Variants in MTPN observed in about 807,000 individuals in gnomAD.
MTPN encodes granule cell differentiation protein.
Under a neutral mutation model 13.5 loss-of-function variants are expected in MTPN, and 2 were observed. The observed-to-expected ratio is 0.15, with a 90% confidence interval of 0.06 to 0.47. The LOEUF is 0.47. Ranked by LOEUF, MTPN falls within the 20% of genes least tolerant of loss-of-function variation. MTPN has a pLI of 0.97. For synonymous variants in MTPN, 46 were observed against 51.7 expected, an observed-to-expected ratio of 0.89 and a Z score of 0.48; for missense variants, 79 against 137.9, an observed-to-expected ratio of 0.57 and a Z score of 2.14.
In MTPN at chr7:135,977,343, C is replaced by T. The variant is rs549417413; in HGVS notation, c.-243G>A. The T allele has an allele frequency of 6.9e-5, 39 of 562,060 alleles. No individual in the cohort carries two copies. Among genetic ancestry groups the T allele is most frequent in the Non-Finnish European group, 1.1e-4 (36 of 313,206 alleles). 34.8% of individuals were successfully genotyped at this position (562,060 alleles called of 1,614,324 possible). A position where few individuals can be genotyped will look rare whatever the true frequency, so the allele number is the denominator to read the frequency against. Reference sequence around the variant, plus strand: ...GAGGTTCCGCCTGGCCGAGGAGAGGCAGGAACCTTTACACTTCCGGTTCAC... The same window carrying T: ...GAGGTTCCGCCTGGCCGAGGAGAGGTAGGAACCTTTACACTTCCGGTTCAC... On this transcript the variant is annotated 5_prime_UTR_variant, in exon 1 of 4. Coordinates refer to ENST00000393085, the MANE Select transcript of MTPN (RefSeq NM_145808.4).
intron 1 of MTPN, 102 bp downstream of exon 1, chr7:135,976,927 T>TGC: frequency 7.3e-6 from 3 of 410,736 alleles, no homozygotes; most frequent in Non-Finnish European, 1.0e-5. Context: ...AAGTCTCTCC[T>TGC]CCCGCCCACC....
intron 1 of MTPN, among the ~76,000 whole-genome samples, chr7:135,970,247 C>T (rs190678614): frequency 6.6e-6 from 1 of 152,266 alleles, no homozygotes; most frequent in African/African-American, 2.4e-5. Context: ...GCGGGAAAAA[C>T]AGATGAGTAA....
At chr7:135,964,955 T>C (rs1402734549) in intron 1 of MTPN, among the ~76,000 whole-genome samples, 1 of 152,104 alleles carries the variant, frequency 6.6e-6, no homozygotes, top group African/African-American at 2.4e-5. Context: ...GCTGTTTTTG[T>C]AAATAAAGTT....
intron 1 of MTPN, among the ~76,000 whole-genome samples, chr7:135,955,857 C>G (rs981108260): frequency 2.7e-5 from 4 of 150,032 alleles, no homozygotes; most frequent in Non-Finnish European, 4.4e-5. Context: ...AAAAAAAACC[C>G]AATATGCATT....
intron 1 of MTPN, among the ~76,000 whole-genome samples, chr7:135,966,675 T>C (rs1799612360): frequency 6.6e-6 from 1 of 152,202 alleles, no homozygotes; most frequent in Non-Finnish European, 1.5e-5. Flanking sequence ...GGTGTTTTAC[T>C]GCTGCCACTA....
chr7:135,933,264 AGATT>A (rs1799055609), intron 3 of MTPN, among the ~76,000 whole-genome samples: 1 of 152,158 alleles, frequency 6.6e-6, no homozygotes, highest in Non-Finnish European at 1.5e-5. Flanking sequence ...CTATAACTTT[AGATT>A]TTATCTTTCG....
chr7:135,933,098 C>CCAAA (rs1799050507), intron 3 of MTPN, among the ~76,000 whole-genome samples: 1 of 63,066 alleles, frequency 1.6e-5, no homozygotes, highest in Admixed American at 1.9e-4. Flanking sequence ...CACTCAGCCT[C>CCAAA]AAAAAAAAAA....
chr7:135,927,169 A>G lies in MTPN; in HGVS notation c.*2757T>C. ...AAATCAAACAGATACATACAGATTT[A>G]AAATCCAGTACTTGGGAAAAGATAT... is the stretch of plus-strand genomic sequence containing the variant. On this transcript the variant is annotated 3_prime_UTR_variant, in exon 4 of 4. Coordinates refer to ENST00000393085, the MANE Select transcript of MTPN (RefSeq NM_145808.4). 1.2e-6 allele frequency: 1 copy of G among 848,718 alleles called. No individual in the cohort carries two copies. The highest frequency in any genetic ancestry group is 2.5e-5 in the South Asian group (1 of 40,334). 52.6% of individuals were successfully genotyped at this position (848,718 alleles called of 1,614,324 possible). A position where few individuals can be genotyped will look rare whatever the true frequency, so the allele number is the denominator to read the frequency against.
chr7:135,932,791 C>G (rs777803311), intron 3 of MTPN: 1 of 151,896 alleles, frequency 6.6e-6, no homozygotes. Context: ...GGATACAATA[C>G]TGAAGAATAA....
chr7:135,931,724 ACTT>A (rs1430708998), intron 3 of MTPN, among the ~76,000 whole-genome samples: 13 of 152,324 alleles, frequency 8.5e-5, no homozygotes, highest in Admixed American at 1.3e-4. Flanking sequence ...ATTATAGTGA[ACTT>A]CTGTTGCTTT....
At chr7:135,935,987 A>C (rs1400107163) in intron 3 of MTPN, among the ~76,000 whole-genome samples, 1 of 152,012 alleles carries the variant, frequency 6.6e-6, no homozygotes, top group Non-Finnish European at 1.5e-5. Flanking sequence ...AACTTCCAAG[A>C]CCACAATTGC....
At position 135,927,319 on chromosome 7, in the gene MTPN, G is replaced by A. The variant is rs1798935527; in HGVS notation, c.*2607C>T. 2.6e-6 allele frequency: 4 copies of A among 1,550,876 alleles called. No homozygotes were observed. The highest frequency in any genetic ancestry group is 3.5e-6 in the Non-Finnish European group (4 of 1,146,716). On this transcript the variant is annotated 3_prime_UTR_variant, in exon 4 of 4. Transcript: ENST00000393085. ...TAGAAGAACTACTTGGGATATTCAA[G>A]TGCTGTATTTGAACGATAAGCCTAT...
At chr7:135,934,740 T>C (rs1178040925) in intron 3 of MTPN, among the ~76,000 whole-genome samples, 1 of 152,170 alleles carries the variant, frequency 6.6e-6, no homozygotes, top group Non-Finnish European at 1.5e-5. Flanking sequence ...TCCTAACTCA[T>C]TATGGTCCTA....
chr7:135,971,335 A>G lies in MTPN; in HGVS notation c.72+5694T>C, dbSNP rs376336157. On this transcript the variant is annotated intron_variant, in intron 1 of 3. Coordinates refer to ENST00000393085, the MANE Select transcript of MTPN (RefSeq NM_145808.4). ...GGGCTATTTATCAATGCAACTCACA[A>G]GCACTCACCTGTAAGCATGTTGGAT... Among the ~76,000 whole-genome samples the G allele has an allele frequency of 8.5e-5, 13 of 152,300 alleles. No homozygotes were observed. In the South Asian group the frequency reaches 1.9e-3, roughly 22 times the overall value.
intron 3 of MTPN, 54 bp from the exon 4 acceptor site, chr7:135,930,066 A>C (rs1798994347): frequency 2.1e-6 from 3 of 1,457,968 alleles, no homozygotes; most frequent in Non-Finnish European, 2.9e-6. Context: ...GGGGAAGGGA[A>C]TGTAAGACTA....
chr7:135,976,666 C>A (rs1199392757), intron 1 of MTPN, among the ~76,000 whole-genome samples: 1 of 148,372 alleles, frequency 6.7e-6, no homozygotes, highest in Non-Finnish European at 1.5e-5. Flanking sequence ...AGAATTACCT[C>A]ATTCAAAGAA....
chr7:135,972,037 GTTACAT>G (rs1477947019), intron 1 of MTPN, among the ~76,000 whole-genome samples: 1 of 152,030 alleles, frequency 6.6e-6, no homozygotes, highest in Non-Finnish European at 1.5e-5. Flanking sequence ...TTTCTGAATT[GTTACAT>G]TTACAATTTT....
chr7:135,940,772 T>G (rs942815962), intron 3 of MTPN, among the ~76,000 whole-genome samples: 2 of 152,234 alleles, frequency 1.3e-5, no homozygotes, highest in Non-Finnish European at 2.9e-5. Context: ...TGCAGCTTAT[T>G]TGTATCTTAC....
intron 1 of MTPN, 142 bp downstream of exon 1, chr7:135,976,887 C>T (rs1030409461): frequency 1.3e-6 from 1 of 775,430 alleles, no homozygotes; most frequent in Non-Finnish European, 2.2e-6. Flanking sequence ...CCTAGACGCC[C>T]CTCTCTCCTT....
Sources: gnomAD v4.1 joint callset for allele counts (sites outside exome capture counted in the v4.1 genomes callset) on GRCh38, gnomAD v4.1.1 for gene constraint, MANE v1.5 for transcripts, NCBI Gene and HGNC (gene_info 2026-07-23, HGNC 2026-07-21) for gene names.